LRP1B: variants seen among roughly 807,000 people sequenced by gnomAD.
LRP1B encodes LDL receptor related protein 1B.
LRP1B carries 217 observed loss-of-function variants against 556.6 expected under a neutral mutation model. The ratio of observed to expected loss-of-function variants is 0.39; its 90% confidence interval spans 0.35 to 0.44. The LOEUF is 0.44. Among genes scored for constraint, LRP1B ranks in the 20% least tolerant of loss-of-function variants. LRP1B has a pLI of 1.00. For missense variants in LRP1B, 5,053 were observed against 5,620.8 expected (o/e 0.90, Z 3.23); for synonymous variants, 2,047 against 1,865.8 (o/e 1.10, Z -2.50).
intron 2 of LRP1B, among the ~76,000 whole-genome samples, chr2:141,552,708 C>T (rs1313488758): frequency 6.6e-6 from 1 of 151,784 alleles, no homozygotes; most frequent in African/African-American, 2.4e-5. Context: ...AGTTAATTGG[C>T]TTGGCGGAAA....
At chr2:141,761,550 C>T (rs1694548308) in intron 2 of LRP1B, among the ~76,000 whole-genome samples, 1 of 151,982 alleles carries the variant, frequency 6.6e-6, no homozygotes, top group Admixed American at 6.6e-5. Flanking sequence ...AAAGGAAAAG[C>T]TTGAGATGTG....
At chr2:140,341,903 T>C (rs541531410) in intron 77 of LRP1B, among the ~76,000 whole-genome samples, 1 of 151,442 alleles carries the variant, frequency 6.6e-6, no homozygotes, top group Non-Finnish European at 1.5e-5. Flanking sequence ...CTGGGGTGGA[T>C]AGACAAAACC....
intron 2 of LRP1B, among the ~76,000 whole-genome samples, chr2:141,604,271 C>T (rs1448978485): frequency 6.6e-6 from 1 of 152,048 alleles, no homozygotes; most frequent in Non-Finnish European, 1.5e-5. Flanking sequence ...AATCTAATAT[C>T]AAAACTTGTG....
At chr2:140,272,682 A>T (rs1682515829) in intron 85 of LRP1B, among the ~76,000 whole-genome samples, 1 of 151,984 alleles carries the variant, frequency 6.6e-6, no homozygotes, top group African/African-American at 2.4e-5. Flanking sequence ...TAACATCACT[A>T]ACTTCATTTT....
rs972003397 is a variant in LRP1B, at chr2:140,385,942, C to T, written c.10482G>A (p.Arg3494=). The T allele has an allele frequency of 5.0e-6, 8 of 1,613,662 alleles. No homozygotes were observed. Among genetic ancestry groups the T allele is most frequent in the South Asian group, 2.2e-5 (2 of 91,056 alleles). The change falls in exon 67 of 91, where the codon CGG becomes CGA. Residue 3494 remains arginine (R), a synonymous_variant. Coordinates refer to ENST00000389484, the MANE Select transcript of LRP1B (RefSeq NM_018557.3). Reference sequence around the variant, plus strand: ...CACTGCAGTCATTTTGGCTATCACACCGCCAGTGATCGGGAATACAGTTGT... The same window carrying T: ...CACTGCAGTCATTTTGGCTATCACATCGCCAGTGATCGGGAATACAGTTGT... The part of the protein sequence containing the change: ...KNNNCIPDHW[R]CDSQNDCSDN...
At chr2:141,218,924 G>C (rs1682926899) in intron 6 of LRP1B, among the ~76,000 whole-genome samples, 1 of 152,180 alleles carries the variant, frequency 6.6e-6, no homozygotes, top group Non-Finnish European at 1.5e-5. Context: ...TAGGCAGTTA[G>C]TGTGACCCAC....
intron 1 of LRP1B, among the ~76,000 whole-genome samples, chr2:142,092,351 A>G (rs1257191577): frequency 6.6e-6 from 1 of 151,738 alleles, no homozygotes; most frequent in African/African-American, 2.4e-5. Context: ...TTTTTTTGGC[A>G]TATTAGTATT....
At chr2:141,178,566 C>G (rs966458958) in intron 7 of LRP1B, among the ~76,000 whole-genome samples, 1 of 152,000 alleles carries the variant, frequency 6.6e-6, no homozygotes, top group South Asian at 2.1e-4. Flanking sequence ...GTAGCATATC[C>G]TATGTATGAG....
intron 83 of LRP1B, among the ~76,000 whole-genome samples, chr2:140,309,704 T>C (rs1684212844): frequency 6.6e-6 from 1 of 151,814 alleles, no homozygotes; most frequent in Non-Finnish European, 1.5e-5. Context: ...TATTTTAATT[T>C]TCAATGAAAA....
At chr2:141,502,287 G>A (rs1363446485) in intron 2 of LRP1B, among the ~76,000 whole-genome samples, 1 of 152,190 alleles carries the variant, frequency 6.6e-6, no homozygotes, top group Admixed American at 6.5e-5. Context: ...AAGACAAATA[G>A]TTTAGCTATA....
At chr2:140,361,269 G>T (rs1038152011) in intron 72 of LRP1B, among the ~76,000 whole-genome samples, 12 of 139,046 alleles carry the variant, frequency 8.6e-5, no homozygotes, top group Non-Finnish European at 1.4e-4. Context: ...AGCCAGAAAT[G>T]TTGCAGATGA....
intron 27 of LRP1B, among the ~76,000 whole-genome samples, chr2:140,858,828 T>G (rs1392641008): frequency 6.6e-6 from 1 of 152,078 alleles, no homozygotes; most frequent in South Asian, 2.1e-4. Flanking sequence ...AGTGCGAATA[T>G]GTGGTGTTTA....
At chr2:141,443,674 A>G (rs1681071850) in intron 3 of LRP1B, among the ~76,000 whole-genome samples, 1 of 152,168 alleles carries the variant, frequency 6.6e-6, no homozygotes, top group African/African-American at 2.4e-5. Context: ...AACACCATTT[A>G]TTAAACAGGG....
intron 7 of LRP1B, among the ~76,000 whole-genome samples, chr2:141,166,115 C>G (rs72980112): frequency 0.027 from 4,115 of 151,896 alleles, 181 homozygotes; most frequent in African/African-American, 0.094. Flanking sequence ...TACCATAACA[C>G]CCCTTTCTAT....
At chr2:141,762,160 A>T (rs556743565) in intron 2 of LRP1B, among the ~76,000 whole-genome samples, 2 of 152,224 alleles carry the variant, frequency 1.3e-5, no homozygotes. Flanking sequence ...AGAAAAAAGT[A>T]GGAAAAATAA....
chr2:141,291,984 C>T (rs1365492455), intron 3 of LRP1B, among the ~76,000 whole-genome samples: 1 of 151,954 alleles, frequency 6.6e-6, no homozygotes, highest in Non-Finnish European at 1.5e-5. Context: ...GGGTCCCCAA[C>T]CCCAATGCGA....
chr2:141,079,686 C>T (rs1699877347), intron 7 of LRP1B, among the ~76,000 whole-genome samples: 2 of 152,042 alleles, frequency 1.3e-5, no homozygotes, highest in Non-Finnish European at 2.9e-5. Flanking sequence ...AGTCTGTATA[C>T]AAATTTTCAT....
intron 2 of LRP1B, among the ~76,000 whole-genome samples, chr2:141,764,242 G>A (rs1406260431): frequency 2.0e-5 from 3 of 152,032 alleles, no homozygotes; most frequent in Admixed American, 2.0e-4. Context: ...GTGCAGTGGG[G>A]CGATCTCGGC....
chr2:141,551,696 C>T (rs998311211), intron 2 of LRP1B, among the ~76,000 whole-genome samples: 6 of 152,034 alleles, frequency 3.9e-5, no homozygotes, highest in Non-Finnish European at 8.8e-5. Context: ...TAAAGCAACT[C>T]TTGCACCCCA....
Sources: gnomAD v4.1 joint callset for allele counts (sites outside exome capture counted in the v4.1 genomes callset) on GRCh38, gnomAD v4.1.1 for gene constraint, MANE v1.5 for transcripts, NCBI Gene and HGNC (gene_info 2026-07-23, HGNC 2026-07-21) for gene names.